The following UBE2H variants were observed in gnomAD, a reference collection of about 807,000 sequenced individuals.
UBE2H encodes ubiquitin-conjugating enzyme E2 H.
In UBE2H, 3 loss-of-function variants were observed where a neutral mutation model predicts 29.0. That is an observed-to-expected ratio of 0.10 (90% confidence interval 0.05 to 0.27). The LOEUF is 0.27. UBE2H is among the 10% of genes least tolerant of loss of function. UBE2H has a pLI of 1.00. For synonymous variants in UBE2H, 69 were observed against 82.9 expected (o/e 0.83, Z 0.91); for missense variants, 68 against 228.2 (o/e 0.30, Z 4.52).
At chr7:129,939,592 T>C (rs1807600054) in intron 1 of UBE2H, among the ~76,000 whole-genome samples, 1 of 152,200 alleles carries the variant, frequency 6.6e-6, no homozygotes, top group Non-Finnish European at 1.5e-5. Flanking sequence ...AATGGAAATG[T>C]CCAACCAAAT....
At chr7:129,898,800 T>C (rs1806649850) in intron 1 of UBE2H, among the ~76,000 whole-genome samples, 1 of 141,830 alleles carries the variant, frequency 7.1e-6, no homozygotes, top group Non-Finnish European at 1.5e-5. Context: ...AGATCAAGTG[T>C]TGAGTTGCAG....
intron 5 of UBE2H, 193 bp downstream of exon 5, chr7:129,857,318 C>T: frequency 1.7e-6 from 1 of 588,716 alleles, no homozygotes; most frequent in Non-Finnish European, 3.0e-6. Context: ...TCATTTTAAA[C>T]TTCCACAGCT....
intron 1 of UBE2H, among the ~76,000 whole-genome samples, chr7:129,898,403 G>A (rs1173269282): frequency 1.3e-5 from 2 of 152,148 alleles, no homozygotes; most frequent in South Asian, 2.1e-4. Flanking sequence ...TTAAGTAGAA[G>A]TTTAGATTTA....
intron 5 of UBE2H, among the ~76,000 whole-genome samples, chr7:129,854,060 GTTTTTTTTTTTT>G (rs56362841): frequency 3.0e-5 from 3 of 100,312 alleles, no homozygotes; most frequent in African/African-American, 8.0e-5. Flanking sequence ...TTTAGTGTTA[GTTTTTTTTTTTT>G]TTTTTTTTTT....
intron 1 of UBE2H, among the ~76,000 whole-genome samples, chr7:129,921,697 A>C (rs1807167355): frequency 6.7e-6 from 1 of 150,254 alleles, no homozygotes; most frequent in Non-Finnish European, 1.5e-5. Context: ...TCTGTCACAA[A>C]AAAAAAAAAA....
chr7:129,870,797 C>T (rs965332135), intron 3 of UBE2H, among the ~76,000 whole-genome samples: 2 of 152,134 alleles, frequency 1.3e-5, no homozygotes, highest in Non-Finnish European at 1.5e-5. Context: ...AAATGAAAGT[C>T]GAGCCTTTAA....
rs1222899810 is a variant in UBE2H at position 129,832,750 on chromosome 7, TA to T, written c.*2186del. The T allele has an allele frequency of 1.3e-5, 2 of 151,016 alleles. No homozygotes were observed. Among genetic ancestry groups the T allele is most frequent in the African/African-American group, 4.8e-5 (2 of 41,354 alleles). 9.4% of individuals were successfully genotyped at this position (151,016 alleles called of 1,614,324 possible). On this transcript the variant is annotated 3_prime_UTR_variant, in exon 7 of 7. Transcript: ENST00000355621. ...TCAAAAGCAATTCTTAACTGGTCAT[TA>T]TTTTTTTTTAAGGTAATTAGAACAC...
intron 3 of UBE2H, chr7:129,865,140 C>T (rs934629396): frequency 1.3e-5 from 5 of 372,290 alleles, no homozygotes; most frequent in Non-Finnish European, 2.7e-5. Flanking sequence ...GTACAGATTA[C>T]AACAGAAAAA....
chr7:129,857,202 G>A (rs1805721348), intron 5 of UBE2H: 1 of 291,648 alleles, frequency 3.4e-6, no homozygotes, highest in Admixed American at 5.1e-5. Context: ...TATATTATGT[G>A]CTAATACATA....
chr7:129,903,072 T>C (rs757189093), intron 1 of UBE2H, among the ~76,000 whole-genome samples: 2 of 152,188 alleles, frequency 1.3e-5, no homozygotes, highest in African/African-American at 4.8e-5. Flanking sequence ...CAATAATGCA[T>C]ATGCAACCTA....
At chr7:129,931,131 T>C (rs1807385838) in intron 1 of UBE2H, among the ~76,000 whole-genome samples, 1 of 151,220 alleles carries the variant, frequency 6.6e-6, no homozygotes, top group Admixed American at 6.6e-5. Context: ...GGCAGGAGAA[T>C]CGCTTGAACC....
chr7:129,881,674 A>G (rs2116374245), intron 1 of UBE2H, among the ~76,000 whole-genome samples: 1 of 152,138 alleles, frequency 6.6e-6, no homozygotes, highest in South Asian at 2.1e-4. Flanking sequence ...ATATACATGA[A>G]AAATAGGCGC....
At chr7:129,839,717 G>C (rs762143646) in intron 5 of UBE2H, 35 of 223,580 alleles carry the variant, frequency 1.6e-4, no homozygotes, top group Non-Finnish European at 2.8e-4. Flanking sequence ...TTTTTTGTTT[G>C]TTTTTTTTTT....
chr7:129,839,134 A>G, intron 6 of UBE2H, 73 bp downstream of exon 6: 4 of 1,564,096 alleles, frequency 2.6e-6, no homozygotes, highest in Non-Finnish European at 3.5e-6. Context: ...GTAATTTAAG[A>G]AGGACTTTTA....
chr7:129,920,032 G>C (rs1397437772), intron 1 of UBE2H, among the ~76,000 whole-genome samples: 1 of 151,696 alleles, frequency 6.6e-6, no homozygotes, highest in Non-Finnish European at 1.5e-5. Context: ...CACTGTCAAA[G>C]CAGCAATTCT....
At position 129,833,467 on chromosome 7, in the gene UBE2H, C is replaced by T. The variant is rs1349443158; in HGVS notation, c.*1470G>A. 1 of 152,216 alleles carries T rather than the reference C, an allele frequency of 6.6e-6. No homozygotes were observed. The highest frequency in any genetic ancestry group is 2.4e-5 in the African/African-American group (1 of 41,448). 9.4% of individuals were successfully genotyped at this position (152,216 alleles called of 1,614,324 possible). ...AGCTGCTGTCTAAAATTTCTCCAAA[C>T]TCCCCTCCGAGTTCAGCAGGCAACA... On this transcript the variant is annotated 3_prime_UTR_variant, in exon 7 of 7. Coordinates refer to ENST00000355621, the MANE Select transcript of UBE2H (RefSeq NM_003344.4).
Position 129,892,655 on chromosome 7 carries a change from A to T in UBE2H, c.54-11684T>A, listed in dbSNP as rs569944140. Among the ~76,000 whole-genome samples the T allele has an allele frequency of 2.0e-5, 3 of 152,244 alleles. No individual in the cohort carries two copies. In the South Asian group the frequency reaches 6.2e-4, roughly 32 times the overall value. The stretch of plus-strand genomic sequence containing the variant: ...TTAGGAACAAATAAGGAATATACTT[A>T]TTTTTTGCTGTAGAAAATTTCCCAT... On this transcript the variant is annotated intron_variant, in intron 1 of 6. Coordinates refer to ENST00000355621, the MANE Select transcript of UBE2H (RefSeq NM_003344.4).
chr7:129,890,658 C>T (rs2116397168), intron 1 of UBE2H, among the ~76,000 whole-genome samples: 1 of 152,212 alleles, frequency 6.6e-6, no homozygotes, highest in East Asian at 1.9e-4. Flanking sequence ...AGGCGTGAGC[C>T]ACTGCGCCCA....
intron 1 of UBE2H, among the ~76,000 whole-genome samples, chr7:129,932,773 CAAAAAAAAAAAAAA>C (rs1208871059): frequency 3.0e-5 from 1 of 33,210 alleles, no homozygotes; most frequent in Non-Finnish European, 5.9e-5. Flanking sequence ...GACTCCGTCT[CAAAAAAAAAAAAAA>C]AAAAAAAAAA....
Sources: allele counts gnomAD v4.1 joint callset (sites outside exome capture counted in the v4.1 genomes callset), GRCh38; gene constraint gnomAD v4.1.1; transcripts MANE v1.5; gene names NCBI Gene and HGNC (gene_info 2026-07-23, HGNC 2026-07-21).